ME1: variants seen among roughly 807,000 people sequenced by gnomAD.
The protein encoded by ME1 is malic enzyme 1.
A neutral mutation model predicts 66.4 loss-of-function variants in ME1; 74 were observed. The ratio of observed to expected loss-of-function variants is 1.11; its 90% CI spans 0.92 to 1.35. The LOEUF is 1.35. ME1 is among the 40% of genes most tolerant of loss of function. The pLI is 0.00. For synonymous variants in ME1, 251 were observed against 235.6 expected, an observed-to-expected ratio of 1.07 and a Z score of -0.60; for missense variants, 750 against 694.1, an observed-to-expected ratio of 1.08 and a Z score of -0.90.
intron 4 of ME1, among the ~76,000 whole-genome samples, chr6:83,348,984 C>CAAAAAAAAAAAAA (rs71545855): frequency 8.5e-5 from 4 of 47,198 alleles, no homozygotes; most frequent in African/African-American, 2.4e-4. Flanking sequence ...AACTCTGTCT[C>CAAAAAAAAAAAAA]AAAAAAAAAA....
intron 10 of ME1, 35 bp from the exon 11 acceptor site, chr6:83,227,512 A>G: frequency 3.3e-6 from 5 of 1,519,040 alleles, no homozygotes; most frequent in Non-Finnish European, 3.6e-6. Flanking sequence ...AATTAACACT[A>G]TCATTGGTTA....
At chr6:83,392,492 G>T (rs978053211) in intron 3 of ME1, 4 of 520,338 alleles carry the variant, frequency 7.7e-6, no homozygotes, top group African/African-American at 4.1e-5. Context: ...TTAAACTCTG[G>T]TTAAGTCGAT....
intron 3 of ME1, among the ~76,000 whole-genome samples, chr6:83,372,230 C>A (rs1769203749): frequency 6.6e-6 from 1 of 152,054 alleles, no homozygotes. Flanking sequence ...CTGCTTTGAC[C>A]CATAAAATAT....
chr6:83,364,802 C>T (rs1769071592), intron 3 of ME1, among the ~76,000 whole-genome samples: 1 of 152,178 alleles, frequency 6.6e-6, no homozygotes, highest in South Asian at 2.1e-4. Flanking sequence ...AGGGTTCATT[C>T]TGGTTGTCTC....
chr6:83,404,762 G>A (rs1165793535), intron 2 of ME1, among the ~76,000 whole-genome samples: 5 of 152,168 alleles, frequency 3.3e-5, no homozygotes, highest in Admixed American at 1.3e-4. Flanking sequence ...ATTAAATAGG[G>A]AATCCTTTCT....
In ME1 at chr6:83,382,310, C is replaced by T. The variant is rs142773949; in HGVS notation, c.362+16057G>A. Among the ~76,000 whole-genome samples the T allele has an allele frequency of 1.5e-3, 230 of 152,006 alleles. 2 individuals carry two copies. The highest frequency in any genetic ancestry group is 5.3e-3 in the African/African-American group (218 of 41,466). ...TAAAGTGCCTGGCATGCAGTGGACG[C>T]TCAATAAATTTCTGGTAAAGGAAGG... On this transcript the variant is annotated intron_variant, in intron 3 of 13. Coordinates refer to ENST00000369705, the MANE Select transcript of ME1 (RefSeq NM_002395.6).
chr6:83,283,244 AAAAAT>A (rs1212541595), intron 6 of ME1, among the ~76,000 whole-genome samples: 1 of 143,656 alleles, frequency 7.0e-6, no homozygotes, highest in Non-Finnish European at 1.5e-5. Flanking sequence ...AAAAAAAAAA[AAAAAT>A]GATGAGTTCA....
chr6:83,292,253 G>GT (rs1767517264), intron 6 of ME1, among the ~76,000 whole-genome samples: 1 of 152,156 alleles, frequency 6.6e-6, no homozygotes, highest in Non-Finnish European at 1.5e-5. Flanking sequence ...CATCTTTGTG[G>GT]TTTTATCTAC....
chr6:83,235,638 T>C (rs1790386093), intron 9 of ME1, among the ~76,000 whole-genome samples: 2 of 151,716 alleles, frequency 1.3e-5, no homozygotes, highest in East Asian at 2.0e-4. Context: ...GCCCAGCTAA[T>C]TTTTTTTGTA....
chr6:83,223,575 G>A (rs1179526559), intron 12 of ME1, among the ~76,000 whole-genome samples, 185 bp downstream of exon 12: 3 of 152,208 alleles, frequency 2.0e-5, no homozygotes, highest in African/African-American at 7.2e-5. Flanking sequence ...TACTGAAGAA[G>A]AACCTTTCGT....
intron 6 of ME1, among the ~76,000 whole-genome samples, chr6:83,262,013 CAAAAAAAA>C (rs374491049): frequency 7.8e-5 from 6 of 77,236 alleles, no homozygotes; most frequent in African/African-American, 3.3e-4. Context: ...GAATCCATCT[CAAAAAAAA>C]AAAAAAAAAG....
At chr6:83,321,358 G>A (rs1437162996) in intron 5 of ME1, among the ~76,000 whole-genome samples, 1 of 152,122 alleles carries the variant, frequency 6.6e-6, no homozygotes, top group Non-Finnish European at 1.5e-5. Flanking sequence ...AACTGGTCTT[G>A]CTCAGCAGAT....
At chr6:83,263,173 A>G (rs1766928515) in intron 6 of ME1, among the ~76,000 whole-genome samples, 1 of 152,134 alleles carries the variant, frequency 6.6e-6, no homozygotes, top group African/African-American at 2.4e-5. Context: ...TAAGATGGCA[A>G]ACTTAAGCAA....
chr6:83,242,668 C>A lies in ME1; in HGVS notation c.815-3032G>T, dbSNP rs72907968. Among the ~76,000 whole-genome samples the A allele has an allele frequency of 4.5e-3, 679 of 152,088 alleles. 6 individuals are homozygous for A. Among genetic ancestry groups the A allele is most frequent in the Non-Finnish European group, 8.5e-3 (579 of 67,990 alleles). ...ACACAATTAGTATTCCTTTCCCCAA[C>A]AAACTCTACTAAAACAATAGAAAAC... On this transcript the variant is annotated intron_variant, in intron 7 of 13. Transcript: ENST00000369705.
Position 83,421,522 on chromosome 6 carries a change from T to C in ME1, c.78+9355A>G, listed in dbSNP as rs574112687. Reference sequence around the variant, plus strand: ...GAAAAATACATGATAGCAGAAGAACTAAGGAAGAAGATTAGAATCTAAAGT... The same window carrying C: ...GAAAAATACATGATAGCAGAAGAACCAAGGAAGAAGATTAGAATCTAAAGT... On this transcript the variant is annotated intron_variant, in intron 1 of 13. Transcript: ENST00000369705. Among the ~76,000 whole-genome samples, 5 of 152,310 alleles carry C rather than the reference T, an allele frequency of 3.3e-5. No individual in the cohort carries two copies. The South Asian group carries it at 1.0e-3, about 32-fold the overall frequency.
At chr6:83,391,894 A>G (rs1769628796) in intron 3 of ME1, among the ~76,000 whole-genome samples, 1 of 152,156 alleles carries the variant, frequency 6.6e-6, no homozygotes, top group Non-Finnish European at 1.5e-5. Flanking sequence ...TCTGTTTAAA[A>G]TTACAACTGC....
intron 7 of ME1, among the ~76,000 whole-genome samples, chr6:83,249,082 A>G (rs1312271777): frequency 6.6e-6 from 1 of 152,180 alleles, no homozygotes; most frequent in Non-Finnish European, 1.5e-5. Context: ...TGTAATTAAC[A>G]TCACAAAGAA....
chr6:83,420,726 A>T (rs904003440), intron 1 of ME1, among the ~76,000 whole-genome samples: 2 of 152,184 alleles, frequency 1.3e-5, no homozygotes, highest in Admixed American at 1.3e-4. Context: ...TTACTTCAAG[A>T]ATAATCCCTG....
chr6:83,275,602 A>C (rs1242344688), intron 6 of ME1, among the ~76,000 whole-genome samples: 1 of 142,562 alleles, frequency 7.0e-6, no homozygotes, highest in Non-Finnish European at 1.5e-5. Flanking sequence ...AGTAGCTAGG[A>C]CTACAGGCGC....
Sources: allele counts gnomAD v4.1 joint callset (sites outside exome capture counted in the v4.1 genomes callset), GRCh38; gene constraint gnomAD v4.1.1; transcripts MANE v1.5; gene names NCBI Gene and HGNC (gene_info 2026-07-23, HGNC 2026-07-21).